Variants in ARFGEF3 observed in about 807,000 individuals in gnomAD.
ARFGEF3 encodes ARFGEF family member 3.
In ARFGEF3, 96 loss-of-function variants were observed where a neutral mutation model predicts 221.7. The ratio of observed to expected loss-of-function variants is 0.43; its 90% confidence interval spans 0.37 to 0.51. The LOEUF (loss-of-function observed/expected upper bound fraction) is 0.51. Ranked by LOEUF, ARFGEF3 falls within the 20% of genes least tolerant of loss-of-function variation. The probability of loss-of-function intolerance (pLI) is 0.00; values close to 1 mark genes in which losing one functional copy is unlikely to be tolerated. For synonymous variants in ARFGEF3, 1,145 were observed against 1,126.8 expected, an observed-to-expected ratio of 1.02 and a Z score of -0.32; for missense variants, 2,410 against 2,789.9, an observed-to-expected ratio of 0.86 and a Z score of 3.07.
In ARFGEF3 at chr6:138,313,869, A is replaced by G. The variant is rs200282090; in HGVS notation, c.4275A>G (p.Arg1425=). 79 of 1,613,982 alleles carry G rather than the reference A, an allele frequency of 4.9e-5. No individual in the cohort carries two copies. Among genetic ancestry groups the G allele is most frequent in the Non-Finnish European group, 6.5e-5 (77 of 1,179,862 alleles). The part of the protein sequence containing the change: ...LSGRLAGLPR[R]LQEQSASSED... ...GGAGACTTGCCGGCTTGCCTCGAAG[A>G]CTTCAGGAACAGTCAGCCAGCAGTG... The change falls in exon 26 of 34, where the codon AGA becomes AGG. Residue 1425 remains arginine, a synonymous_variant. Coordinates refer to ENST00000251691, the MANE Select transcript of ARFGEF3 (RefSeq NM_020340.5).
At chr6:138,209,336 C>A (rs1304630668) in intron 3 of ARFGEF3, among the ~76,000 whole-genome samples, 1 of 152,144 alleles carries the variant, frequency 6.6e-6, no homozygotes, top group African/African-American at 2.4e-5. Context: ...CCATTCCCAC[C>A]ACCTAAATAC....
intron 12 of ARFGEF3, among the ~76,000 whole-genome samples, chr6:138,270,427 G>GAGACACACACAC (rs375236767): frequency 3.6e-5 from 5 of 139,414 alleles, no homozygotes; most frequent in Admixed American, 7.2e-5. Context: ...ATTTTACGTA[G>GAGACACACACAC]ACACACACAC....
chr6:138,336,082 GTC>G (rs1171276178), intron 33 of ARFGEF3, among the ~76,000 whole-genome samples: 2 of 152,086 alleles, frequency 1.3e-5, no homozygotes, highest in African/African-American at 4.8e-5. Context: ...AATAAGGCGA[GTC>G]TCTGCCCATC....
chr6:138,172,821 A>G (rs758934044), intron 2 of ARFGEF3, among the ~76,000 whole-genome samples: 2 of 152,330 alleles, frequency 1.3e-5, no homozygotes, highest in African/African-American at 2.4e-5. Context: ...TTCTGTAGAA[A>G]TGTATTTTTA....
At chr6:138,198,542 G>A (rs999831065) in intron 2 of ARFGEF3, among the ~76,000 whole-genome samples, 5 of 152,198 alleles carry the variant, frequency 3.3e-5, no homozygotes, top group Non-Finnish European at 5.9e-5. Flanking sequence ...CTGTTTAAAT[G>A]TAAAGGACCC....
chr6:138,281,761 T>A (rs946398469), intron 14 of ARFGEF3, among the ~76,000 whole-genome samples: 1 of 152,210 alleles, frequency 6.6e-6, no homozygotes, highest in Non-Finnish European at 1.5e-5. Context: ...GTATGCCATA[T>A]TGTTGTGGTG....
chr6:138,196,855 C>T (rs577623969), intron 2 of ARFGEF3, among the ~76,000 whole-genome samples: 32 of 152,082 alleles, frequency 2.1e-4, no homozygotes, highest in South Asian at 4.1e-4. Flanking sequence ...TATTTTGAGA[C>T]GGAGTTTCGC....
In ARFGEF3 at chr6:138,162,483, C is replaced by T. The variant is rs1460075295; in HGVS notation, c.85+312C>T. ...CCCCATCGCCGAGTTAGGCAGGACC[C>T]GGAGCCGGTGCGAATCCTGGGGCCT... On this transcript the variant is annotated intron_variant, in intron 1 of 33. Coordinates refer to ENST00000251691, the MANE Select transcript of ARFGEF3 (RefSeq NM_020340.5). The surrounding 1 kb of genome is among the most constrained non-coding windows in gnomAD (Gnocchi z 4.7). 6.6e-6 allele frequency among the ~76,000 whole-genome samples: 1 copy of T among 152,162 alleles called. No individual in the cohort carries two copies. The highest frequency in any genetic ancestry group is 6.5e-5 in the Admixed American group (1 of 15,292).
At chr6:138,287,434 A>C (rs1331836752) in intron 17 of ARFGEF3, among the ~76,000 whole-genome samples, 1 of 152,228 alleles carries the variant, frequency 6.6e-6, no homozygotes, top group Admixed American at 6.5e-5. Flanking sequence ...CAGCAGGCCC[A>C]GGGGGACCCA....
At chr6:138,297,034 TG>T in intron 21 of ARFGEF3, 79 bp downstream of exon 21, 14 of 1,482,976 alleles carry the variant, frequency 9.4e-6, no homozygotes, top group Non-Finnish European at 1.3e-5. Context: ...CCTGCAGTCA[TG>T]TATGGGGGCA....
intron 4 of ARFGEF3, among the ~76,000 whole-genome samples, chr6:138,229,327 A>G (rs1778149669): frequency 6.6e-6 from 1 of 152,240 alleles, no homozygotes; most frequent in South Asian, 2.1e-4. Flanking sequence ...ACCTTAGGTA[A>G]CATATTTAAT....
chr6:138,245,475 G>A, intron 7 of ARFGEF3, 38 bp from the exon 8 acceptor site: 5 of 1,468,764 alleles, frequency 3.4e-6, no homozygotes, highest in South Asian at 1.2e-5. Flanking sequence ...CGTGCCCCCT[G>A]TCGATGTCTC....
At chr6:138,168,382 G>T (rs1178004543) in intron 1 of ARFGEF3, among the ~76,000 whole-genome samples, 1 of 152,202 alleles carries the variant, frequency 6.6e-6, no homozygotes, top group East Asian at 1.9e-4. Flanking sequence ...TGATGGCTTT[G>T]GGAAAGAGCA....
intron 2 of ARFGEF3, among the ~76,000 whole-genome samples, chr6:138,188,872 CT>C (rs1255562108): frequency 6.6e-6 from 1 of 152,218 alleles, no homozygotes; most frequent in Non-Finnish European, 1.5e-5. Context: ...CCAGCCCAAC[CT>C]TTTTGGCTCC....
chr6:138,225,266 G>A (rs145503105), intron 4 of ARFGEF3, among the ~76,000 whole-genome samples: 4 of 152,258 alleles, frequency 2.6e-5, no homozygotes, highest in African/African-American at 7.2e-5. Flanking sequence ...TTAACATAAG[G>A]CATTTAAATT....
At chr6:138,187,445 C>T (rs1032177086) in intron 2 of ARFGEF3, among the ~76,000 whole-genome samples, 4 of 152,192 alleles carry the variant, frequency 2.6e-5, no homozygotes, top group African/African-American at 9.7e-5. Context: ...CAGTGAGGCT[C>T]CTTGCTCAGA....
intron 2 of ARFGEF3, among the ~76,000 whole-genome samples, chr6:138,172,368 G>C (rs763243111): frequency 1.3e-5 from 2 of 152,040 alleles, no homozygotes; most frequent in African/African-American, 4.8e-5. Flanking sequence ...CTTTTCCACC[G>C]CACCTTTAAC....
chr6:138,187,703 C>T (rs1777214170), intron 2 of ARFGEF3, among the ~76,000 whole-genome samples: 1 of 152,204 alleles, frequency 6.6e-6, no homozygotes, highest in Non-Finnish European at 1.5e-5. Flanking sequence ...CTGGTTCAGT[C>T]CTCTGTGGCA....
In ARFGEF3 at chr6:138,305,794, A is replaced by G. The variant is rs115149697; in HGVS notation, c.3829-1459A>G. ...TTAATAGATATAGACAAAACATTTA[A>G]CAAAATTCATCACCCATTTTTGACA... On this transcript the variant is annotated intron_variant, in intron 22 of 33. Transcript: ENST00000251691. Among the ~76,000 whole-genome samples the G allele has an allele frequency of 5.4e-3, 821 of 152,316 alleles. 10 individuals carry two copies. The highest frequency in any genetic ancestry group is 0.019 in the African/African-American group (792 of 41,562).
Sources: allele counts gnomAD v4.1 joint callset (sites outside exome capture counted in the v4.1 genomes callset), GRCh38; gene constraint gnomAD v4.1.1; non-coding constraint Gnocchi (gnomAD v3.1); transcripts MANE v1.5; gene names NCBI Gene and HGNC (gene_info 2026-07-23, HGNC 2026-07-21).